The following PIGV variants were observed in gnomAD, a reference collection of about 807,000 sequenced individuals.
PIGV encodes the protein phosphatidylinositol glycan anchor biosynthesis class V.
A neutral mutation model predicts 39.2 loss-of-function variants in PIGV; 27 were observed. That is an observed-to-expected ratio of 0.69 (90% confidence interval 0.51 to 0.95). The LOEUF (loss-of-function observed/expected upper bound fraction) is 0.95. PIGV is among the 40% of genes least tolerant of loss of function. The pLI, the probability that PIGV is intolerant of heterozygous loss-of-function variation, is 0.00. For synonymous variants in PIGV, 232 were observed against 241.7 expected (o/e 0.96, Z 0.37); for missense variants, 523 against 586.4 (o/e 0.89, Z 1.12).
intron 2 of PIGV, among the ~76,000 whole-genome samples, chr1:26,791,558 G>A (rs568163426): frequency 9.2e-5 from 14 of 152,270 alleles, no homozygotes; most frequent in African/African-American, 3.4e-4. Context: ...AATGAATGTT[G>A]TTGAATGTAT....
chr1:26,794,035 T>G, intron 2 of PIGV, 78 bp from the exon 3 acceptor site: 1 of 1,401,022 alleles, frequency 7.1e-7, no homozygotes, highest in Non-Finnish European at 1.0e-6. Flanking sequence ...GAGCCTGGCC[T>G]TCTTCCTCAT....
At position 26,797,757 on chromosome 1, in the gene PIGV, T is replaced by G; in HGVS notation, c.1395T>G (p.Ser465=). 1 of 1,614,026 alleles carries G rather than the reference T, an allele frequency of 6.2e-7. No individual in the cohort carries two copies. The highest frequency in any genetic ancestry group is 1.1e-5 in the South Asian group (1 of 91,082). Residue 465 remains serine (S), a synonymous_variant, in exon 4 of 4, where the codon TCT becomes TCG. Transcript: ENST00000674202. The part of the protein sequence containing the change: ...MGLLYHWKTC[S]PVTRYILGYF... ...TTTTGTATCACTGGAAAACCTGTTC[T>G]CCAGTCACACGATACATTCTAGGCT...
Position 26,798,808 on chromosome 1 carries a change from G to A in PIGV, c.*964G>A, listed in dbSNP as rs2081420008. On this transcript the variant is annotated 3_prime_UTR_variant, in exon 4 of 4. Coordinates refer to ENST00000674202, the MANE Select transcript of PIGV (RefSeq NM_017837.4). ...ATATAAATCAGCTGGGGGAAAAAAG[G>A]GTAAGAAGAAGGCATCAGGAACCCT... 6.6e-6 allele frequency among the ~76,000 whole-genome samples: 1 copy of A among 152,206 alleles called. No homozygotes were observed. The highest frequency in any genetic ancestry group is 1.5e-5 in the Non-Finnish European group (1 of 68,042).
At position 26,799,912 on chromosome 1, in the gene PIGV, T is replaced by C. The variant is rs368196352; in HGVS notation, c.*2068T>C. Among the ~76,000 whole-genome samples, 2 of 152,164 alleles carry C rather than the reference T, an allele frequency of 1.3e-5. No individual in the cohort carries two copies. Among genetic ancestry groups the C allele is most frequent in the African/African-American group, 4.8e-5 (2 of 41,430 alleles). ...ACTTCCACCTTGCGTGCAGGAAGTG[T>C]TGGGGTCCTGTTTCAGCTCTTTATT... On this transcript the variant is annotated 3_prime_UTR_variant, in exon 4 of 4. Coordinates refer to ENST00000674202, the MANE Select transcript of PIGV (RefSeq NM_017837.4).
chr1:26,792,681 A>G (rs753034703), intron 2 of PIGV, among the ~76,000 whole-genome samples: 9 of 152,138 alleles, frequency 5.9e-5, no homozygotes, highest in Non-Finnish European at 1.0e-4. Context: ...CCCACTTCCA[A>G]TGCTCAAGCC....
chr1:26,790,271 C>G (rs1382394674), intron 1 of PIGV, among the ~76,000 whole-genome samples: 1 of 151,950 alleles, frequency 6.6e-6, no homozygotes, highest in African/African-American at 2.4e-5. Flanking sequence ...TTATTCTGGG[C>G]AAGAGGAAAA....
chr1:26,792,756 T>G (rs1378909854), intron 2 of PIGV, among the ~76,000 whole-genome samples: 1 of 152,244 alleles, frequency 6.6e-6, no homozygotes, highest in African/African-American at 2.4e-5. Flanking sequence ...CAGCTAATCC[T>G]TGACGGTTTT....
chr1:26,798,104 G>A lies in PIGV; in HGVS notation c.*260G>A. 3 of 498,198 alleles carry A rather than the reference G, an allele frequency of 6.0e-6. No homozygotes were observed. Among genetic ancestry groups the A allele is most frequent in the South Asian group, 2.0e-5 (1 of 48,928 alleles). 30.9% of individuals were successfully genotyped at this position (498,198 alleles called of 1,614,324 possible). A position where few individuals can be genotyped will look rare whatever the true frequency, so the allele number is the denominator to read the frequency against. ...GTATTCCAAGTCTAAAATACACCTG[G>A]ATCTGTCTAGTCAATCAACATAGCA... On this transcript the variant is annotated 3_prime_UTR_variant, in exon 4 of 4. Coordinates refer to ENST00000674202, the MANE Select transcript of PIGV (RefSeq NM_017837.4).
rs1057515439 is a variant in PIGV at position 26,797,954 on chromosome 1, T to C, written c.*110T>C. The C allele has an allele frequency of 5.2e-6, 5 of 961,918 alleles. No homozygotes were observed. The highest frequency in any genetic ancestry group is 2.7e-4 in the Middle Eastern group (1 of 3,758). The allele number at this position is 961,918 out of a possible 1,614,324, so 59.6% of individuals were successfully genotyped here. The stretch of plus-strand genomic sequence containing the variant: ...CCTGGGATCATTACTGTGTCCATTA[T>C]AATCTTTCTCTTTCTCTTTGAAAGC... On this transcript the variant is annotated 3_prime_UTR_variant, in exon 4 of 4. Transcript: ENST00000674202.
chr1:26,794,692 G>A lies in PIGV; in HGVS notation c.658G>A (p.Gly220Ser). 1.2e-6 allele frequency: 2 copies of A among 1,614,192 alleles called. No homozygotes were observed. The highest frequency in any genetic ancestry group is 1.3e-5 in the African/African-American group (1 of 75,056). The change falls in exon 3 of 4, where the codon GGC becomes AGC. Residue 220 changes from glycine to serine, a missense_variant. By Grantham distance (56) the Gly-to-Ser change is moderately conservative. Transcript: ENST00000674202. ...CTTCCTCATGCATTCTCAATGCCAAGGCTTTTTCTCTTCTCTAACGATGCT... is the reference window on the plus strand; with the variant it reads ...CTTCCTCATGCATTCTCAATGCCAAAGCTTTTTCTCTTCTCTAACGATGCT... ...VGFLMHSQCQ[G>S]FFSSLTMLNP...
At position 26,798,505 on chromosome 1, in the gene PIGV, G is replaced by GT. The variant is rs1241637975; in HGVS notation, c.*664dup. ...GTGGGCAGATCACTTGAGGCCAGGA[G>GT]TTTGAGACCGGCCTGGCCAACATGG... On this transcript the variant is annotated 3_prime_UTR_variant, in exon 4 of 4. Transcript: ENST00000674202. 6 of 153,014 alleles carry GT rather than the reference G, an allele frequency of 3.9e-5. No individual in the cohort carries two copies. Among genetic ancestry groups the GT allele is most frequent in the Non-Finnish European group, 8.7e-5 (6 of 68,662 alleles). 9.5% of individuals were successfully genotyped at this position (153,014 alleles called of 1,614,324 possible).
At chr1:26,791,689 A>G (rs920455048) in intron 2 of PIGV, among the ~76,000 whole-genome samples, 4 of 152,142 alleles carry the variant, frequency 2.6e-5, no homozygotes, top group African/African-American at 7.2e-5. Flanking sequence ...TTCCCACTAC[A>G]TAAGGCATGG....
chr1:26,798,716 A>G lies in PIGV; in HGVS notation c.*872A>G, dbSNP rs2081418855. 6.6e-6 allele frequency among the ~76,000 whole-genome samples: 1 copy of G among 152,272 alleles called. No individual in the cohort carries two copies. The highest frequency in any genetic ancestry group is 1.5e-5 in the Non-Finnish European group (1 of 68,054). Reference sequence around the variant, plus strand: ...AGTGAGGCTCTGTCTCAAAAAAAGTAAAAAATAAAAATAATACAAATCTTT... The same window carrying G: ...AGTGAGGCTCTGTCTCAAAAAAAGTGAAAAATAAAAATAATACAAATCTTT... On this transcript the variant is annotated 3_prime_UTR_variant, in exon 4 of 4. Transcript: ENST00000674202.
upstream of PIGV, among the ~76,000 whole-genome samples, chr1:26,787,059 G>C (rs563331488): frequency 2.6e-5 from 4 of 152,284 alleles, no homozygotes; most frequent in African/African-American, 9.6e-5. Context: ...GCTGTGGCCA[G>C]AGGCTAACCC....
At position 26,798,076 on chromosome 1, in the gene PIGV, G is replaced by T; in HGVS notation, c.*232G>T. On this transcript the variant is annotated 3_prime_UTR_variant, in exon 4 of 4. Transcript: ENST00000674202. The stretch of plus-strand genomic sequence containing the variant: ...ACTATTTTCTCTGTAAGTGAAGATT[G>T]TCGTATTCCAAGTCTAAAATACACC... The T allele has an allele frequency of 1.8e-6, 1 of 554,962 alleles. No homozygotes were observed. Among genetic ancestry groups the T allele is most frequent in the Non-Finnish European group, 3.2e-6 (1 of 308,492 alleles). 34.4% of individuals were successfully genotyped at this position (554,962 alleles called of 1,614,324 possible).
At chr1:26,792,744 G>A (rs1440646599) in intron 2 of PIGV, among the ~76,000 whole-genome samples, 2 of 152,206 alleles carry the variant, frequency 1.3e-5, no homozygotes, top group African/African-American at 4.8e-5. Flanking sequence ...CTCTGTCAGT[G>A]ACAGCTAATC....
rs1173277182 is a variant in PIGV at position 26,797,471 on chromosome 1, T to C, written c.1201-92T>C. ...ACATTTCTAGTCACAGGACCATAGTTCACCCAGCAGTAGAGAAGTCCCCGG... is the reference window on the plus strand; with the variant it reads ...ACATTTCTAGTCACAGGACCATAGTCCACCCAGCAGTAGAGAAGTCCCCGG... On this transcript the variant is annotated intron_variant, in intron 3 of 3. Coordinates refer to ENST00000674202, the MANE Select transcript of PIGV (RefSeq NM_017837.4). The C allele has an allele frequency of 3.1e-6, 3 of 967,970 alleles. No individual in the cohort carries two copies. In the African/African-American group the frequency reaches 4.8e-5, roughly 15 times the overall value. 60.0% of individuals were successfully genotyped at this position (967,970 alleles called of 1,614,324 possible). A position where few individuals can be genotyped will look rare whatever the true frequency, so the allele number is the denominator to read the frequency against.
rs1298350155 is a variant in PIGV, at chr1:26,797,876, AC to A, written c.*33del. The A allele has an allele frequency of 1.9e-6, 3 of 1,609,742 alleles. No homozygotes were observed. The highest frequency in any genetic ancestry group is 2.6e-6 in the Non-Finnish European group (3 of 1,176,074). ...CTCTCCAGGGACAGGTTGGAAGCCA[AC>A]TTAACCCAGGGGTCTGAAAGTAAAA... On this transcript the variant is annotated 3_prime_UTR_variant, in exon 4 of 4. Transcript: ENST00000674202.
intron 3 of PIGV, among the ~76,000 whole-genome samples, chr1:26,796,791 C>T (rs1410668033): frequency 6.6e-6 from 1 of 152,092 alleles, no homozygotes; most frequent in Non-Finnish European, 1.5e-5. Flanking sequence ...CAGGCAGGCC[C>T]CCAATTTCCA....
Sources: allele counts gnomAD v4.1 joint callset (sites outside exome capture counted in the v4.1 genomes callset), GRCh38; gene constraint gnomAD v4.1.1; transcripts MANE v1.5; gene names NCBI Gene and HGNC (gene_info 2026-07-23, HGNC 2026-07-21).